Variants in PEX14 observed in about 807,000 individuals in gnomAD.
The protein encoded by PEX14 is peroxisomal membrane protein PEX14.
PEX14 carries 15 observed loss-of-function variants against 49.5 expected under a neutral mutation model. That is an observed-to-expected ratio of 0.30 (90% CI 0.20 to 0.47). The LOEUF (loss-of-function observed/expected upper bound fraction) is 0.47, where lower values mean the gene tolerates loss of function less well. PEX14 is among the 20% of genes least tolerant of loss of function. The pLI is 1.00. For synonymous variants in PEX14, 210 were observed against 212.7 expected, an observed-to-expected ratio of 0.99 and a Z score of 0.11; for missense variants, 398 against 494.8, an observed-to-expected ratio of 0.80 and a Z score of 1.86.
At chr1:10,568,546 C>A (rs901441323) in intron 3 of PEX14, among the ~76,000 whole-genome samples, 1 of 151,726 alleles carries the variant, frequency 6.6e-6, no homozygotes, top group Non-Finnish European at 1.5e-5. Context: ...TGAATTCCAG[C>A]CAGTTGTAGT....
rs775094435 is a variant in PEX14, at chr1:10,629,485, C to A, written c.678-46C>A. ...GAAGGCGTGGCCCTTCGAAGGGGGGCGTCCTGAATGCCGCCACCAACCTCC... is the reference window on the plus strand; with the variant it reads ...GAAGGCGTGGCCCTTCGAAGGGGGGAGTCCTGAATGCCGCCACCAACCTCC... On this transcript the variant is annotated intron_variant, in intron 8 of 8. Coordinates refer to ENST00000356607, the MANE Select transcript of PEX14 (RefSeq NM_004565.3). This position sits in a 1 kb window ranked among gnomAD's most constrained non-coding sequence, Gnocchi z 8.5. 1.5e-6 allele frequency: 2 copies of A among 1,361,874 alleles called. No individual in the cohort carries two copies. The highest frequency in any genetic ancestry group is 1.2e-5 in the South Asian group (1 of 85,830). The allele number at this position is 1,361,874 out of a possible 1,614,324, so 84.4% of individuals were successfully genotyped here.
At chr1:10,616,562 C>T (rs1027301652) in intron 4 of PEX14, among the ~76,000 whole-genome samples, 42 of 152,188 alleles carry the variant, frequency 2.8e-4, no homozygotes, top group African/African-American at 9.4e-4. Context: ...TCGCCTTCCC[C>T]GCTGGTCTGT....
intron 1 of PEX14, among the ~76,000 whole-genome samples, chr1:10,476,993 C>T (rs1021958338): frequency 1.3e-5 from 2 of 152,146 alleles, no homozygotes; most frequent in African/African-American, 4.8e-5. Flanking sequence ...CTCTGCTTCT[C>T]CTTTGCCCTC....
At chr1:10,587,037 T>TA (rs1052809139) in intron 3 of PEX14, among the ~76,000 whole-genome samples, 92 of 152,208 alleles carry the variant, frequency 6.0e-4, no homozygotes, top group African/African-American at 2.2e-3. Context: ...TAGAGGCTGT[T>TA]ACTCTATTTT....
chr1:10,571,985 T>C (rs1036912953), intron 3 of PEX14, among the ~76,000 whole-genome samples: 6 of 152,058 alleles, frequency 3.9e-5, no homozygotes, highest in African/African-American at 9.7e-5. Flanking sequence ...TCTGGAAAAA[T>C]GGAAACAGAA....
chr1:10,496,428 T>G (rs648399), intron 2 of PEX14, among the ~76,000 whole-genome samples: 1 of 152,050 alleles, frequency 6.6e-6, no homozygotes, highest in Non-Finnish European at 1.5e-5. Flanking sequence ...CCCACCTTGC[T>G]AGTCTCTCCG....
At chr1:10,485,293 T>G (rs987577649) in intron 1 of PEX14, among the ~76,000 whole-genome samples, 1 of 148,126 alleles carries the variant, frequency 6.8e-6, no homozygotes, top group Non-Finnish European at 1.5e-5. Context: ...TATTTATTTG[T>G]GTGTGGTTTT....
intron 3 of PEX14, among the ~76,000 whole-genome samples, chr1:10,591,071 G>C (rs1360604638): frequency 1.3e-5 from 2 of 152,134 alleles, no homozygotes; most frequent in African/African-American, 4.8e-5. Context: ...CCCAAATCAG[G>C]CTGTTTCAAA....
Position 10,497,339 on chromosome 1 carries a change from A to G in PEX14, c.84+2018A>G, listed in dbSNP as rs144001560. 1.1e-3 allele frequency among the ~76,000 whole-genome samples: 175 copies of G among 152,280 alleles called. 1 individual carries two copies. The highest frequency in any genetic ancestry group is 4.0e-3 in the African/African-American group (167 of 41,576). On this transcript the variant is annotated intron_variant, in intron 2 of 8. Transcript: ENST00000356607. ...CCTTGCACAGAAAGCCCCACAGCTCAGTGTGGTGGTGTTGCGGTTTGTGAA... is the reference window on the plus strand; with the variant it reads ...CCTTGCACAGAAAGCCCCACAGCTCGGTGTGGTGGTGTTGCGGTTTGTGAA...
intron 4 of PEX14, among the ~76,000 whole-genome samples, chr1:10,604,074 T>C (rs1364878746): frequency 6.6e-6 from 1 of 152,226 alleles, no homozygotes; most frequent in East Asian, 1.9e-4. Context: ...GCCAGACCCC[T>C]GGGCTAAAGA....
chr1:10,478,352 G>T (rs913912005), intron 1 of PEX14, among the ~76,000 whole-genome samples: 1 of 152,152 alleles, frequency 6.6e-6, no homozygotes, highest in African/African-American at 2.4e-5. Flanking sequence ...GATTTTTCAT[G>T]TGTTGACTAC....
At chr1:10,519,757 T>C (rs1642033726) in intron 2 of PEX14, among the ~76,000 whole-genome samples, 1 of 152,228 alleles carries the variant, frequency 6.6e-6, no homozygotes, top group Non-Finnish European at 1.5e-5. Context: ...TCATTTCTAC[T>C]TACTAGTGAC....
chr1:10,578,326 A>T (rs942993288), intron 3 of PEX14, among the ~76,000 whole-genome samples: 33 of 152,242 alleles, frequency 2.2e-4, no homozygotes, highest in Admixed American at 2.6e-4. Context: ...TTGCTTTGAA[A>T]TCCCAGAAGG....
At chr1:10,568,333 C>T (rs890703262) in intron 3 of PEX14, among the ~76,000 whole-genome samples, 1 of 141,930 alleles carries the variant, frequency 7.0e-6, no homozygotes, top group Admixed American at 6.8e-5. Flanking sequence ...TCCCCCCCCC[C>T]CCCCCACTCC....
At chr1:10,575,653 G>A (rs915884692) in intron 3 of PEX14, among the ~76,000 whole-genome samples, 3 of 152,048 alleles carry the variant, frequency 2.0e-5, no homozygotes, top group Non-Finnish European at 4.4e-5. Flanking sequence ...CATCTACTTT[G>A]TTTGGATTTT....
At chr1:10,558,351 C>G (rs1639555252) in intron 3 of PEX14, among the ~76,000 whole-genome samples, 1 of 152,078 alleles carries the variant, frequency 6.6e-6, no homozygotes, top group African/African-American at 2.4e-5. Context: ...CTTTTATCAT[C>G]TTCTTCTTGA....
intron 2 of PEX14, among the ~76,000 whole-genome samples, chr1:10,513,714 A>AT (rs1412158285): frequency 2.0e-5 from 3 of 152,172 alleles, no homozygotes; most frequent in African/African-American, 7.2e-5. Context: ...TTAGCTGACT[A>AT]TTATATAGCC....
Position 10,499,638 on chromosome 1 carries a change from A to G in PEX14, c.84+4317A>G, listed in dbSNP as rs547947161. 1.8e-4 allele frequency among the ~76,000 whole-genome samples: 28 copies of G among 151,918 alleles called. 1 individual carries two copies. Among genetic ancestry groups the G allele is most frequent in the South Asian group, 4.1e-4 (2 of 4,820 alleles). ...TAATTTTTGTATTTTTAGTGGAGAC[A>G]GGGTTTCACCATGTTGGCCAGGATG... On this transcript the variant is annotated intron_variant, in intron 2 of 8. Transcript: ENST00000356607.
chr1:10,524,407 C>T, intron 2 of PEX14: 1 of 926,496 alleles, frequency 1.1e-6, no homozygotes, highest in Non-Finnish European at 1.3e-6. Flanking sequence ...GTTTCTCAGA[C>T]AGAGCTGGGA....
Sources: allele counts gnomAD v4.1 joint callset (sites outside exome capture counted in the v4.1 genomes callset), GRCh38; gene constraint gnomAD v4.1.1; non-coding constraint Gnocchi (gnomAD v3.1); transcripts MANE v1.5; gene names NCBI Gene and HGNC (gene_info 2026-07-23, HGNC 2026-07-21).